The following PPFIA2 variants were observed in gnomAD, a reference collection of about 807,000 sequenced individuals.
The protein encoded by PPFIA2 is PPFI scaffold protein A2.
PPFIA2 carries 46 observed loss-of-function variants against 175.5 expected under a neutral mutation model. That is an observed-to-expected ratio of 0.26 (90% CI 0.21 to 0.34). The LOEUF (loss-of-function observed/expected upper bound fraction) is 0.34, where lower values mean the gene tolerates loss of function less well. Among genes scored for constraint, PPFIA2 ranks in the 10% least tolerant of loss-of-function variants. The probability of loss-of-function intolerance (pLI) is 1.00; values close to 1 mark genes in which losing one functional copy is unlikely to be tolerated. For synonymous variants in PPFIA2, 568 were observed against 511.4 expected, an observed-to-expected ratio of 1.11 and a Z score of -1.49; for missense variants, 1,179 against 1,506.1, an observed-to-expected ratio of 0.78 and a Z score of 3.60.
chr12:81,388,773 A>T (rs1331797017), intron 8 of PPFIA2, among the ~76,000 whole-genome samples: 1 of 152,084 alleles, frequency 6.6e-6, no homozygotes, highest in Non-Finnish European at 1.5e-5. Context: ...GGAGAAACTG[A>T]GACTCAGGTA....
chr12:81,679,920 A>T (rs2073290985), intron 3 of PPFIA2, among the ~76,000 whole-genome samples: 1 of 152,008 alleles, frequency 6.6e-6, no homozygotes, highest in Admixed American at 6.6e-5. Context: ...TGGACATATG[A>T]TTACTACATA....
chr12:81,486,285 G>A lies in PPFIA2; in HGVS notation c.304-28419C>T, dbSNP rs1193866437. ...TGCCTTACATGCCTTACTGTCTTAT[G>A]TGGCAGAATTAGTACTCGAACCCAG... is the stretch of plus-strand genomic sequence containing the variant. On this transcript the variant is annotated intron_variant, in intron 4 of 32. Coordinates refer to ENST00000549396, the MANE Select transcript of PPFIA2 (RefSeq NM_003625.5). 4.0e-5 allele frequency among the ~76,000 whole-genome samples: 6 copies of A among 151,760 alleles called. 1 individual carries two copies. The highest frequency in any genetic ancestry group is 4.0e-4 in the Admixed American group (6 of 15,182).
At chr12:81,273,321 C>A (rs1211275175) in intron 28 of PPFIA2, among the ~76,000 whole-genome samples, 1 of 152,008 alleles carries the variant, frequency 6.6e-6, no homozygotes. Flanking sequence ...CAATCCCCAC[C>A]ACCACCCCAC....
At chr12:81,443,407 T>C (rs1050004549) in intron 6 of PPFIA2, among the ~76,000 whole-genome samples, 4 of 152,144 alleles carry the variant, frequency 2.6e-5, no homozygotes, top group Non-Finnish European at 4.4e-5. Flanking sequence ...AGAATACCTA[T>C]GGTGAGTTAA....
intron 15 of PPFIA2, among the ~76,000 whole-genome samples, chr12:81,361,388 A>G (rs1031139537): frequency 6.6e-6 from 1 of 151,720 alleles, no homozygotes; most frequent in African/African-American, 2.4e-5. Context: ...ACATTGAAAT[A>G]ATAATTTCAG....
intron 4 of PPFIA2, among the ~76,000 whole-genome samples, chr12:81,493,191 G>C (rs2059603238): frequency 6.6e-6 from 1 of 152,018 alleles, no homozygotes; most frequent in African/African-American, 2.4e-5. Flanking sequence ...ACACATTTTT[G>C]GTGTCTGGAG....
At chr12:81,742,719 GAC>G (rs1412353105) in intron 3 of PPFIA2, among the ~76,000 whole-genome samples, 9 of 152,132 alleles carry the variant, frequency 5.9e-5, no homozygotes, top group Admixed American at 2.6e-4. Context: ...GATAGAAAAA[GAC>G]AAGGTTCAGG....
intron 3 of PPFIA2, among the ~76,000 whole-genome samples, chr12:81,734,209 C>G (rs1393175466): frequency 6.6e-6 from 1 of 151,768 alleles, no homozygotes; most frequent in African/African-American, 2.4e-5. Flanking sequence ...CCAGGTGAAC[C>G]TCTTCAAACA....
At chr12:81,738,657 G>A (rs2081943421) in intron 3 of PPFIA2, among the ~76,000 whole-genome samples, 1 of 151,386 alleles carries the variant, frequency 6.6e-6, no homozygotes, top group East Asian at 1.9e-4. Flanking sequence ...TTCAAATGGT[G>A]GCATGAAAGG....
intron 4 of PPFIA2, among the ~76,000 whole-genome samples, chr12:81,483,207 T>C (rs2058444790): frequency 6.6e-6 from 1 of 152,158 alleles, no homozygotes; most frequent in Non-Finnish European, 1.5e-5. Context: ...CTTCTAGTTA[T>C]ACATACAAGG....
chr12:81,617,577 A>G (rs1388170309), intron 4 of PPFIA2, among the ~76,000 whole-genome samples: 1 of 152,180 alleles, frequency 6.6e-6, no homozygotes, highest in Non-Finnish European at 1.5e-5. Flanking sequence ...CAATCCTCCA[A>G]TAGTTTCCTG....
intron 15 of PPFIA2, among the ~76,000 whole-genome samples, chr12:81,358,679 A>C (rs949266505): frequency 2.0e-5 from 3 of 152,128 alleles, no homozygotes; most frequent in African/African-American, 7.2e-5. Flanking sequence ...TTCCAATCTT[A>C]AAATTTTTGG....
intron 4 of PPFIA2, among the ~76,000 whole-genome samples, chr12:81,627,167 T>C (rs2062811730): frequency 6.6e-6 from 1 of 151,938 alleles, no homozygotes; most frequent in South Asian, 2.1e-4. Context: ...TGGATACAAA[T>C]TAAAATGAGC....
At chr12:81,749,294 T>C (rs2153662402) in intron 3 of PPFIA2, among the ~76,000 whole-genome samples, 1 of 144,110 alleles carries the variant, frequency 6.9e-6, no homozygotes, top group Non-Finnish European at 1.6e-5. Context: ...TCCAGTACTA[T>C]ATTTATTTGG....
chr12:81,371,282 A>AGAG (rs756076167), intron 11 of PPFIA2, among the ~76,000 whole-genome samples: 145,667 of 145,894 alleles, frequency 1, 72,720 homozygotes, highest in Middle Eastern at 1. Flanking sequence ...AATATATTTT[A>AGAG]TTAAAAATAA....
chr12:81,569,334 A>C (rs1326279106), intron 4 of PPFIA2, among the ~76,000 whole-genome samples: 1 of 152,184 alleles, frequency 6.6e-6, no homozygotes, highest in East Asian at 1.9e-4. Context: ...CTATTTTAAG[A>C]TGAGAATTGT....
chr12:81,271,419 C>T (rs566925077), intron 28 of PPFIA2, among the ~76,000 whole-genome samples: 2 of 152,068 alleles, frequency 1.3e-5, no homozygotes, highest in Admixed American at 6.5e-5. Flanking sequence ...TACAGGCATG[C>T]GCCACCACAC....
chr12:81,585,938 C>T lies in PPFIA2; in HGVS notation c.303+90853G>A, dbSNP rs142994556. On this transcript the variant is annotated intron_variant, in intron 4 of 32. Transcript: ENST00000549396. ...ACCAGCATGATGCATTGTGCTATGA[C>T]GTTATGATGTGTATGATGTTATGAT... 3.1e-3 allele frequency among the ~76,000 whole-genome samples: 477 copies of T among 151,874 alleles called. 2 individuals carry two copies. Among genetic ancestry groups the T allele is most frequent in the African/African-American group, 0.011 (452 of 41,486 alleles).
chr12:81,549,156 C>T (rs970152826), intron 4 of PPFIA2, among the ~76,000 whole-genome samples: 2 of 152,006 alleles, frequency 1.3e-5, no homozygotes, highest in African/African-American at 4.8e-5. Flanking sequence ...CTGGGAAGAG[C>T]GTTGGCATGT....
Sources: allele counts gnomAD v4.1 joint callset (sites outside exome capture counted in the v4.1 genomes callset), GRCh38; gene constraint gnomAD v4.1.1; transcripts MANE v1.5; gene names NCBI Gene and HGNC (gene_info 2026-07-23, HGNC 2026-07-21).